The following PIP4K2A variants were observed in gnomAD, a reference collection of about 807,000 sequenced individuals.
PIP4K2A encodes phosphatidylinositol 5-phosphate 4-kinase type-2 alpha.
PIP4K2A carries 14 observed loss-of-function variants against 42.9 expected under a neutral mutation model. That is an observed-to-expected ratio of 0.33 (90% CI 0.22 to 0.51). The LOEUF (loss-of-function observed/expected upper bound fraction) is 0.51, where lower values mean the gene tolerates loss of function less well. PIP4K2A is among the 20% of genes least tolerant of loss of function. The pLI, the probability that PIP4K2A is intolerant of heterozygous loss-of-function variation, is 0.97. For synonymous variants in PIP4K2A, 192 were observed against 192.2 expected (o/e 1.00, Z 0.01); for missense variants, 434 against 519.8 (o/e 0.83, Z 1.61).
At chr10:22,666,340 T>C (rs1177016056) in intron 1 of PIP4K2A, among the ~76,000 whole-genome samples, 2 of 152,194 alleles carry the variant, frequency 1.3e-5, no homozygotes, top group Non-Finnish European at 2.9e-5. Context: ...GATGGCCATC[T>C]AAACTCCAGG....
chr10:22,577,070 C>A (rs1259901859), intron 4 of PIP4K2A, among the ~76,000 whole-genome samples: 2 of 98,830 alleles, frequency 2.0e-5, no homozygotes, highest in Non-Finnish European at 4.1e-5. Context: ...AGAGCAAACT[C>A]CTGTCTCAAA....
At chr10:22,675,354 G>A (rs988302143) in intron 1 of PIP4K2A, among the ~76,000 whole-genome samples, 5 of 152,248 alleles carry the variant, frequency 3.3e-5, no homozygotes, top group African/African-American at 7.2e-5. Flanking sequence ...TTGGGAGGCC[G>A]AGGTGGGCAG....
At chr10:22,696,066 C>G (rs1486841842) in intron 1 of PIP4K2A, among the ~76,000 whole-genome samples, 1 of 152,178 alleles carries the variant, frequency 6.6e-6, no homozygotes, top group Admixed American at 6.5e-5. Flanking sequence ...CATCTGTAAT[C>G]CCTCCTCAGA....
chr10:22,665,933 G>GT, intron 1 of PIP4K2A, among the ~76,000 whole-genome samples: 1 of 151,958 alleles, frequency 6.6e-6, no homozygotes, highest in Non-Finnish European at 1.5e-5. Flanking sequence ...AAGTGGGACT[G>GT]TGAGATCAAA....
intron 1 of PIP4K2A, among the ~76,000 whole-genome samples, chr10:22,672,278 G>A (rs1159179990): frequency 6.7e-6 from 1 of 148,336 alleles, no homozygotes; most frequent in Non-Finnish European, 1.5e-5. Flanking sequence ...TGGGTCGGGG[G>A]GACAGTGTGG....
intron 1 of PIP4K2A, among the ~76,000 whole-genome samples, chr10:22,648,981 T>C (rs1838940122): frequency 6.6e-6 from 1 of 152,212 alleles, no homozygotes; most frequent in Admixed American, 6.5e-5. Flanking sequence ...ACCCTCTGAT[T>C]TCCCATAAAA....
Position 22,664,693 on chromosome 10 carries a change from G to A in PIP4K2A, c.144+49490C>T, listed in dbSNP as rs116845137. Among the ~76,000 whole-genome samples the A allele has an allele frequency of 1.1e-3, 161 of 151,932 alleles. 4 individuals carry two copies. The East Asian group carries it at 0.026, about 25-fold the overall frequency. ...TTATTTTTTAATGCTAATAAATAAT[G>A]TCCTAGAGTTTCAACATAAAAGAAA... is the stretch of plus-strand genomic sequence containing the variant. On this transcript the variant is annotated intron_variant, in intron 1 of 9. Coordinates refer to ENST00000376573, the MANE Select transcript of PIP4K2A (RefSeq NM_005028.5).
intron 5 of PIP4K2A, among the ~76,000 whole-genome samples, chr10:22,572,311 A>G (rs1436855253): frequency 2.6e-5 from 4 of 152,244 alleles, no homozygotes; most frequent in Non-Finnish European, 4.4e-5. Flanking sequence ...ATTCCAATAA[A>G]AATGTATTTA....
At chr10:22,688,635 T>C (rs1227801643) in intron 1 of PIP4K2A, among the ~76,000 whole-genome samples, 3 of 152,094 alleles carry the variant, frequency 2.0e-5, no homozygotes, top group African/African-American at 7.2e-5. Flanking sequence ...TTATTTTTCA[T>C]AGAGATGGGG....
chr10:22,577,717 C>A lies in PIP4K2A; in HGVS notation c.493-4260G>T, dbSNP rs1749958219. Among the ~76,000 whole-genome samples, 3 of 152,362 alleles carry A rather than the reference C, an allele frequency of 2.0e-5. No homozygotes were observed. The South Asian group carries it at 6.2e-4, about 32-fold the overall frequency. On this transcript the variant is annotated intron_variant, in intron 4 of 9. Coordinates refer to ENST00000376573, the MANE Select transcript of PIP4K2A (RefSeq NM_005028.5). ...TCTCTCCAGTCACACTGCGACGCAT[C>A]TTGTCGGGTTCTTGAGCATCCTCCC...
Position 22,689,071 on chromosome 10 carries a change from G to A in PIP4K2A, c.144+25112C>T, listed in dbSNP as rs377517843. 7.2e-5 allele frequency among the ~76,000 whole-genome samples: 11 copies of A among 152,120 alleles called. No individual in the cohort carries two copies. The East Asian group carries it at 1.7e-3, about 24-fold the overall frequency. ...CTTCTTCCTTAGCAGATTTTTCTTC[G>A]AGGAGCACAAGGGTGGGTCTGGTGG... On this transcript the variant is annotated intron_variant, in intron 1 of 9. Transcript: ENST00000376573.
chr10:22,666,586 C>A (rs1588695610), intron 1 of PIP4K2A, among the ~76,000 whole-genome samples: 1 of 152,224 alleles, frequency 6.6e-6, no homozygotes, highest in Non-Finnish European at 1.5e-5. Flanking sequence ...CAGGCTAACA[C>A]AGCCCCTGTG....
chr10:22,683,049 A>G (rs1839693098), intron 1 of PIP4K2A, among the ~76,000 whole-genome samples: 1 of 144,286 alleles, frequency 6.9e-6, no homozygotes, highest in South Asian at 2.1e-4. Context: ...AGCCAAAAAG[A>G]AAAGAAAAAG....
chr10:22,664,182 C>CATATAT (rs1266883536), intron 1 of PIP4K2A, among the ~76,000 whole-genome samples: 1 of 43,548 alleles, frequency 2.3e-5, no homozygotes, highest in African/African-American at 1.7e-4. Context: ...TATATATATA[C>CATATAT]ATATATATAC....
intron 4 of PIP4K2A, among the ~76,000 whole-genome samples, chr10:22,578,032 A>G (rs762571277): frequency 3.0e-4 from 46 of 152,210 alleles, no homozygotes; most frequent in Non-Finnish European, 5.3e-4. Flanking sequence ...ATATCAAAGT[A>G]TTTACAGAGG....
intron 6 of PIP4K2A, among the ~76,000 whole-genome samples, chr10:22,566,062 C>G (rs560826441): frequency 6.6e-6 from 1 of 152,260 alleles, no homozygotes; most frequent in East Asian, 1.9e-4. Context: ...CCTGTGGTCT[C>G]GACCTGCCTC....
intron 1 of PIP4K2A, among the ~76,000 whole-genome samples, chr10:22,677,943 C>T (rs1419141596): frequency 1.3e-5 from 2 of 152,118 alleles, no homozygotes; most frequent in African/African-American, 2.4e-5. Context: ...CCACTAAGGG[C>T]TCTTAAAAAG....
At chr10:22,576,640 A>G (rs992192024) in intron 4 of PIP4K2A, among the ~76,000 whole-genome samples, 1 of 152,212 alleles carries the variant, frequency 6.6e-6, no homozygotes, top group African/African-American at 2.4e-5. Flanking sequence ...AGGTAATAAT[A>G]GTACTTAACG....
intron 8 of PIP4K2A, among the ~76,000 whole-genome samples, chr10:22,541,379 G>A (rs143646961): frequency 1.7e-3 from 258 of 152,334 alleles, no homozygotes; most frequent in African/African-American, 5.3e-3. Context: ...GACTCATGAT[G>A]CTTTTGACTT....
Sources: gnomAD v4.1 joint callset for allele counts (sites outside exome capture counted in the v4.1 genomes callset) on GRCh38, gnomAD v4.1.1 for gene constraint, MANE v1.5 for transcripts, NCBI Gene and HGNC (gene_info 2026-07-23, HGNC 2026-07-21) for gene names.